TRAPPC3L: variants seen among roughly 807,000 people sequenced by gnomAD.
TRAPPC3L encodes trafficking protein particle complex subunit 3-like protein.
Under a neutral mutation model 23.7 loss-of-function variants are expected in TRAPPC3L, and 23 were observed. The observed-to-expected ratio is 0.97, with a 90% CI of 0.70 to 1.37. TRAPPC3L has a LOEUF of 1.37. Ranked by LOEUF, TRAPPC3L falls within the 40% of genes most tolerant of loss-of-function variation. TRAPPC3L has a pLI of 0.00. For synonymous variants in TRAPPC3L, 81 were observed against 77.9 expected, an observed-to-expected ratio of 1.04 and a Z score of -0.21; for missense variants, 212 against 216.8, an observed-to-expected ratio of 0.98 and a Z score of 0.14.
chr6:116,512,129 A>G, intron 3 of TRAPPC3L: 1 of 1,613,948 alleles, frequency 6.2e-7, no homozygotes, highest in Non-Finnish European at 8.5e-7. Context: ...TTGCAAGGGT[A>G]AGCCCAAAGA....
intron 3 of TRAPPC3L, among the ~76,000 whole-genome samples, chr6:116,515,160 A>G (rs1377571625): frequency 1.3e-5 from 2 of 152,192 alleles, no homozygotes; most frequent in Non-Finnish European, 2.9e-5. Flanking sequence ...GACAGAAAAA[A>G]ATTAGTCTCT....
chr6:116,500,615 A>G lies in TRAPPC3L; in HGVS notation c.292T>C (p.Ser98Pro). The G allele has an allele frequency of 6.4e-7, 1 of 1,551,670 alleles. No homozygotes were observed. The highest frequency in any genetic ancestry group is 8.7e-7 in the Non-Finnish European group (1 of 1,146,984). ...ATCAGGGAAAATTCATTTTTGCTTG[A>G]ATTGTTACAGGTCACACTTGGTGTA... is the stretch of plus-strand genomic sequence containing the variant. ...GITPSVTCNN[S>P]SKNEFSLILE... is the part of the protein sequence containing the mutation. Residue 98 changes from serine to proline, a missense_variant, in exon 4 of 5, where the codon TCA (serine) becomes CCA (proline). Coordinates refer to ENST00000368602, the MANE Select transcript of TRAPPC3L (RefSeq NM_001139444.3).
intron 3 of TRAPPC3L, chr6:116,511,666 G>A: frequency 6.3e-7 from 1 of 1,596,872 alleles, no homozygotes; most frequent in Non-Finnish European, 8.5e-7. Flanking sequence ...AATAACAAAG[G>A]CACAGCATTT....
intron 3 of TRAPPC3L, among the ~76,000 whole-genome samples, chr6:116,527,075 A>G (rs1156978170): frequency 6.6e-6 from 1 of 152,180 alleles, no homozygotes; most frequent in African/African-American, 2.4e-5. Flanking sequence ...AGGAGGGACA[A>G]TTGAGGCTGA....
Position 116,500,451 on chromosome 6 carries a change from T to C in TRAPPC3L, c.426+30A>G, listed in dbSNP as rs1047606820. 6 of 1,523,022 alleles carry C rather than the reference T, an allele frequency of 3.9e-6. No homozygotes were observed. In the African/African-American group the frequency reaches 4.2e-5, roughly 11 times the overall value. The allele number at this position is 1,523,022 out of a possible 1,614,324, so 94.3% of individuals were successfully genotyped here. Reference sequence around the variant, plus strand: ...TAGCCTTAGAAGGACTAAGAGATTCTTCATTCATTCTTCACTTATTCAACT... The same window carrying C: ...TAGCCTTAGAAGGACTAAGAGATTCCTCATTCATTCTTCACTTATTCAACT... On this transcript the variant is annotated intron_variant, in intron 4 of 4. Transcript: ENST00000368602.
chr6:116,543,340 C>T lies in TRAPPC3L; in HGVS notation c.103G>A (p.Glu35Lys), dbSNP rs1310846700. 2 of 1,549,882 alleles carry T rather than the reference C, an allele frequency of 1.3e-6. No individual in the cohort carries two copies. Among genetic ancestry groups the T allele is most frequent in the Non-Finnish European group, 1.7e-6 (2 of 1,145,690 alleles). ...ALVAQLCKDY[E>K]KDEDVNQYLD... ...TATTGGTTCACATCTTCATCCTTCT[C>T]ATAATCCTTACACAGCTGGGCAACC... is the stretch of plus-strand genomic sequence containing the variant. Residue 35 changes from glutamate to lysine, a missense_variant, in exon 2 of 5, where the codon GAG (glutamate) becomes AAG (lysine). Glu to Lys is a moderately conservative substitution (Grantham distance 56). Coordinates refer to ENST00000368602, the MANE Select transcript of TRAPPC3L (RefSeq NM_001139444.3).
intron 4 of TRAPPC3L, among the ~76,000 whole-genome samples, chr6:116,499,119 T>C (rs1428470560): frequency 1.3e-5 from 2 of 152,234 alleles, no homozygotes. Flanking sequence ...CTCCTCTTGG[T>C]TTTGTTCCTC....
intron 3 of TRAPPC3L, chr6:116,519,575 A>G (rs1377281166): frequency 1.3e-5 from 2 of 152,160 alleles, no homozygotes; most frequent in African/African-American, 2.4e-5. Context: ...CTAGGTCTAG[A>G]CTTGAAGCAT....
At chr6:116,504,054 C>T (rs1354713751) in intron 3 of TRAPPC3L, among the ~76,000 whole-genome samples, 5 of 151,780 alleles carry the variant, frequency 3.3e-5, no homozygotes. Flanking sequence ...GAGACACACA[C>T]ACAAAAAAAC....
intron 3 of TRAPPC3L, among the ~76,000 whole-genome samples, chr6:116,504,686 A>G (rs1054232046): frequency 7.2e-5 from 11 of 152,206 alleles, no homozygotes; most frequent in African/African-American, 2.7e-4. Flanking sequence ...ATCCACCACC[A>G]TCAAGTCAGC....
intron 3 of TRAPPC3L, 119 bp from the exon 4 acceptor site, chr6:116,500,785 G>T: frequency 1.2e-6 from 1 of 846,106 alleles, no homozygotes; most frequent in Non-Finnish European, 1.8e-6. Context: ...GGAGTCTATA[G>T]TCAGGAAGTC....
intron 3 of TRAPPC3L, chr6:116,515,757 A>G (rs1355162509): frequency 2.5e-6 from 4 of 1,613,912 alleles, no homozygotes; most frequent in Non-Finnish European, 8.5e-7. Context: ...TTTCTGGACT[A>G]TGCCAACAAG....
intron 3 of TRAPPC3L, chr6:116,516,842 A>T (rs1772238800): frequency 6.6e-6 from 1 of 151,846 alleles, no homozygotes; most frequent in Admixed American, 6.6e-5. Context: ...GGGCCCTTAC[A>T]AGTATTATGG....
chr6:116,538,269 C>T (rs1773217818), intron 3 of TRAPPC3L, among the ~76,000 whole-genome samples: 1 of 152,194 alleles, frequency 6.6e-6, no homozygotes, highest in Non-Finnish European at 1.5e-5. Flanking sequence ...CTGCACTATT[C>T]TAACTGGATG....
chr6:116,518,890 G>A (rs1462035173), intron 3 of TRAPPC3L: 1 of 152,216 alleles, frequency 6.6e-6, no homozygotes, highest in African/African-American at 2.4e-5. Flanking sequence ...AGTAGCAGAA[G>A]AGCTCATCCT....
intron 3 of TRAPPC3L, among the ~76,000 whole-genome samples, chr6:116,506,936 A>G (rs1335643613): frequency 6.6e-6 from 1 of 152,164 alleles, no homozygotes; most frequent in Non-Finnish European, 1.5e-5. Flanking sequence ...TGGTGCACCA[A>G]ACCATCATGG....
chr6:116,520,501 T>C (rs1425793066), intron 3 of TRAPPC3L: 4 of 152,108 alleles, frequency 2.6e-5, no homozygotes, highest in Non-Finnish European at 5.9e-5. Context: ...GCATGAGAGG[T>C]TGGATGGAAA....
rs1771832998 is a variant in TRAPPC3L, at chr6:116,496,336, A to G, written c.*618T>C. The G allele has an allele frequency of 6.6e-6, 1 of 152,194 alleles. No individual in the cohort carries two copies. Among genetic ancestry groups the G allele is most frequent in the Non-Finnish European group, 1.5e-5 (1 of 68,032 alleles). 9.4% of individuals were successfully genotyped at this position (152,194 alleles called of 1,614,324 possible). A position where few individuals can be genotyped will look rare whatever the true frequency, so the allele number is the denominator to read the frequency against. On this transcript the variant is annotated 3_prime_UTR_variant, in exon 5 of 5. Coordinates refer to ENST00000368602, the MANE Select transcript of TRAPPC3L (RefSeq NM_001139444.3). ...TTTGGTTGATGCCAGCTATATTAAA[A>G]CTAAATAAATTAAAATTAAATGTTA... is the stretch of plus-strand genomic sequence containing the variant.
intron 3 of TRAPPC3L, chr6:116,522,075 T>C (rs1182081063): frequency 5.9e-5 from 9 of 152,208 alleles, no homozygotes. Flanking sequence ...GTCTCAGATA[T>C]TCTAGCTTAG....
Sources: allele counts gnomAD v4.1 joint callset (sites outside exome capture counted in the v4.1 genomes callset), GRCh38; gene constraint gnomAD v4.1.1; transcripts MANE v1.5; gene names NCBI Gene and HGNC (gene_info 2026-07-23, HGNC 2026-07-21).